The following DAB1 variants were observed in gnomAD, a reference collection of about 807,000 sequenced individuals.
DAB1 encodes disabled homolog 1.
In DAB1, 15 loss-of-function variants were observed where a neutral mutation model predicts 64.6. The observed-to-expected ratio is 0.23, with a 90% confidence interval of 0.16 to 0.36. DAB1 has a LOEUF of 0.36. DAB1 is among the 10% of genes least tolerant of loss of function. The pLI, the probability that DAB1 is intolerant of heterozygous loss-of-function variation, is 1.00. For missense variants in DAB1, 596 were observed against 706.7 expected (o/e 0.84, Z 1.78); for synonymous variants, 235 against 251.9 (o/e 0.93, Z 0.64).
intron 9 of DAB1, among the ~76,000 whole-genome samples, chr1:57,054,158 G>C (rs1040155664): frequency 1.3e-5 from 2 of 152,146 alleles, no homozygotes; most frequent in South Asian, 4.1e-4. Flanking sequence ...TATTACATGG[G>C]GGAATGAAGA....
chr1:57,393,118 T>C (rs575063055), intron 1 of DAB1, among the ~76,000 whole-genome samples: 12 of 152,304 alleles, frequency 7.9e-5, no homozygotes, highest in Admixed American at 2.6e-4. Context: ...AATGGCTAAA[T>C]CGAGCTATTT....
chr1:58,423,081 C>G (rs1280597769), intron 3 of DAB1, among the ~76,000 whole-genome samples: 1 of 152,150 alleles, frequency 6.6e-6, no homozygotes, highest in Non-Finnish European at 1.5e-5. Flanking sequence ...CTTCCCTGTT[C>G]CGAGGCAAAT....
chr1:57,327,234 C>A (rs985715608), intron 1 of DAB1, among the ~76,000 whole-genome samples: 3 of 152,102 alleles, frequency 2.0e-5, no homozygotes, highest in Non-Finnish European at 4.4e-5. Flanking sequence ...AGCTACAATG[C>A]CTGGCCTACA....
rs147078098 is a variant in DAB1, at chr1:58,385,231, C to T, written n.258-41828G>A. Among the ~76,000 whole-genome samples the T allele has an allele frequency of 6.6e-3, 999 of 152,242 alleles. 14 individuals are homozygous for T. Among genetic ancestry groups the T allele is most frequent in the African/African-American group, 0.023 (962 of 41,554 alleles). On this transcript the variant is annotated intron_variant and non_coding_transcript_variant, in intron 3 of 20. Transcript: ENST00000485760. ...AACTCAGCAAATTGTATACATTTAT[C>T]GTGTGCAGTTTTTGTATACCCATTA...
intron 5 of DAB1, among the ~76,000 whole-genome samples, chr1:58,127,065 A>G (rs1338709050): frequency 6.6e-6 from 1 of 150,886 alleles, no homozygotes; most frequent in African/African-American, 2.4e-5. Flanking sequence ...ACTAGTTTAC[A>G]GTCCCACCAA....
At chr1:58,425,778 C>T (rs1460282360) in intron 3 of DAB1, among the ~76,000 whole-genome samples, 1 of 152,010 alleles carries the variant, frequency 6.6e-6, no homozygotes, top group Non-Finnish European at 1.5e-5. Context: ...GCCTGGTCAA[C>T]ACAGTCAAAC....
intron 6 of DAB1, among the ~76,000 whole-genome samples, chr1:57,767,372 CA>C: frequency 6.6e-6 from 1 of 152,228 alleles, no homozygotes; most frequent in Middle Eastern, 3.4e-3. Context: ...AGCTGTATGC[CA>C]GGAACAAGGA....
chr1:57,100,597 A>T (rs1342982998), intron 4 of DAB1, among the ~76,000 whole-genome samples: 1 of 152,230 alleles, frequency 6.6e-6, no homozygotes, highest in Non-Finnish European at 1.5e-5. Flanking sequence ...AATGTGAGAA[A>T]AAAATGTTAA....
chr1:57,006,662 C>T (rs1646081209), intron 14 of DAB1, among the ~76,000 whole-genome samples: 1 of 152,126 alleles, frequency 6.6e-6, no homozygotes, highest in African/African-American at 2.4e-5. Flanking sequence ...CCTCCAAAAA[C>T]TTAGGTTGGA....
intron 4 of DAB1, among the ~76,000 whole-genome samples, chr1:58,309,936 T>C (rs142774344): frequency 6.6e-6 from 1 of 152,308 alleles, no homozygotes; most frequent in Admixed American, 6.5e-5. Context: ...GGCAGACAGC[T>C]GGAGGAATTT....
At position 57,160,863 on chromosome 1, in the gene DAB1, A is replaced by G. The variant is rs117081587; in HGVS notation, c.68-15434T>C. 2.0e-5 allele frequency among the ~76,000 whole-genome samples: 3 copies of G among 152,250 alleles called. No homozygotes were observed. In the East Asian group the frequency reaches 5.8e-4, roughly 29 times the overall value. ...TCCTAGTAGCAGCATCCAATCAATA[A>G]CTGGTTGATTAGATGGGGCTGGGTA... On this transcript the variant is annotated intron_variant, in intron 2 of 14. Coordinates refer to ENST00000371236, the MANE Select transcript of DAB1 (RefSeq NM_001365792.1).
intron 2 of DAB1, among the ~76,000 whole-genome samples, chr1:57,248,911 C>T (rs1669108800): frequency 6.6e-6 from 1 of 152,198 alleles, no homozygotes; most frequent in Non-Finnish European, 1.5e-5. Context: ...GCAGTTGCAG[C>T]ATTAGTCACT....
intron 4 of DAB1, among the ~76,000 whole-genome samples, chr1:58,310,237 ATTTCTTCACATATAAGT>A (rs1224689136): frequency 3.3e-5 from 5 of 152,156 alleles, no homozygotes; most frequent in Middle Eastern, 3.2e-3. Context: ...CTGAACACCT[ATTTCTTCACATATAAGT>A]TTTCTTCACA....
intron 4 of DAB1, among the ~76,000 whole-genome samples, chr1:58,319,244 T>C (rs989061327): frequency 2.0e-5 from 3 of 152,172 alleles, no homozygotes; most frequent in Non-Finnish European, 4.4e-5. Context: ...AGGCTCCACA[T>C]TGCCTACAGA....
intron 2 of DAB1, among the ~76,000 whole-genome samples, chr1:57,153,288 A>C (rs1659872887): frequency 4.6e-5 from 7 of 152,180 alleles, no homozygotes; most frequent in African/African-American, 2.4e-5. Flanking sequence ...GGCCTCCCTG[A>C]GTGCTGGGAT....
intron 1 of DAB1, among the ~76,000 whole-genome samples, chr1:57,374,264 T>C (rs1380049492): frequency 1.3e-5 from 2 of 152,176 alleles, no homozygotes; most frequent in Non-Finnish European, 2.9e-5. Flanking sequence ...ATCTTAAGAA[T>C]AGATAAGCAT....
intron 3 of DAB1, among the ~76,000 whole-genome samples, chr1:58,489,858 C>T (rs1456572618): frequency 6.6e-6 from 1 of 152,172 alleles, no homozygotes; most frequent in Non-Finnish European, 1.5e-5. Flanking sequence ...CCAGCAAACT[C>T]CAACAGACCT....
chr1:58,538,659 CA>C, intron 1 of DAB1: 1 of 498,480 alleles, frequency 2.0e-6, no homozygotes, highest in Non-Finnish European at 3.5e-6. Flanking sequence ...TGGGGGGAGA[CA>C]GGGGATCTGG....
Position 57,588,673 on chromosome 1 carries a change from G to A in DAB1, n.625+60919C>T, listed in dbSNP as rs369078653. Reference sequence around the variant, plus strand: ...TTTCTTATTTATGTAGCATTTAGAAGCAATACATATTGTACTGGAGGAAAA... The same window carrying A: ...TTTCTTATTTATGTAGCATTTAGAAACAATACATATTGTACTGGAGGAAAA... On this transcript the variant is annotated intron_variant and non_coding_transcript_variant, in intron 7 of 20. Coordinates refer to the DAB1 transcript ENST00000485760. 7.9e-5 allele frequency among the ~76,000 whole-genome samples: 12 copies of A among 152,232 alleles called. No individual in the cohort carries two copies. In the South Asian group the frequency reaches 8.3e-4, roughly 11 times the overall value.
Sources: allele counts gnomAD v4.1 joint callset (sites outside exome capture counted in the v4.1 genomes callset), GRCh38; gene constraint gnomAD v4.1.1; transcripts MANE v1.5; gene names NCBI Gene and HGNC (gene_info 2026-07-23, HGNC 2026-07-21).